The following PHF8 variants were observed in gnomAD, a reference collection of about 807,000 sequenced individuals.
The protein encoded by PHF8 is histone lysine demethylase PHF8.
In PHF8, 9 loss-of-function variants were observed where a neutral mutation model predicts 74.4. The observed-to-expected ratio is 0.12, with a 90% CI of 0.07 to 0.21. The LOEUF (loss-of-function observed/expected upper bound fraction) is 0.21. Among genes scored for constraint, PHF8 ranks in the 10% least tolerant of loss-of-function variants. PHF8 has a pLI of 1.00. For synonymous variants in PHF8, 311 were observed against 316.6 expected (o/e 0.98, Z 0.19); for missense variants, 478 against 816.6 (o/e 0.59, Z 5.05).
At position 54,012,670 on chromosome X, in the gene PHF8, C is replaced by T. The variant is rs782815139; in HGVS notation, c.784-1386G>A. On this transcript the variant is annotated intron_variant, in intron 7 of 21. Coordinates refer to ENST00000338154, the MANE Select transcript of PHF8 (RefSeq NM_015107.3). Reference sequence around the variant, plus strand: ...TAAAAAAATTGTCTGGACACAGTGGCTCACGTCTGTAATCCTAGCACTTTG... The same window carrying T: ...TAAAAAAATTGTCTGGACACAGTGGTTCACGTCTGTAATCCTAGCACTTTG... Among the ~76,000 whole-genome samples, 8 of 111,084 alleles carry T rather than the reference C, an allele frequency of 7.2e-5. No individual in the cohort carries two copies. The South Asian group carries it at 2.7e-3, about 37-fold the overall frequency.
chrX:54,024,705 C>G (rs1353754047), intron 2 of PHF8, among the ~76,000 whole-genome samples: 4 of 111,886 alleles, frequency 3.6e-5, no homozygotes, highest in Non-Finnish European at 7.5e-5. Context: ...GGTCTGTGAA[C>G]TATTTACTAC....
At chrX:53,963,590 T>A (rs1332635915) in intron 18 of PHF8, among the ~76,000 whole-genome samples, 2 of 111,579 alleles carry the variant, frequency 1.8e-5, no homozygotes, top group Non-Finnish European at 3.8e-5. Context: ...GAACAGACAC[T>A]TCTCAAAAGA....
At chrX:53,958,440 T>C (rs1168062110) in intron 19 of PHF8, among the ~76,000 whole-genome samples, 12 of 108,295 alleles carry the variant, frequency 1.1e-4, no homozygotes, top group Non-Finnish European at 2.3e-4. Flanking sequence ...GGAAAACATA[T>C]ACATGCATTT....
intron 16 of PHF8, among the ~76,000 whole-genome samples, chrX:53,986,175 T>A (rs781822965): frequency 8.0e-5 from 9 of 112,844 alleles, no homozygotes. Context: ...CTCAGGGAAG[T>A]TAAATAATTT....
chrX:53,999,753 T>C lies in PHF8; in HGVS notation c.1233+117A>G, dbSNP rs1323740463. ...GGAATCCTAGCCCACACCTCCACTC[T>C]ACACCCAGGAGCCCACAAGCTTCTC... is the stretch of plus-strand genomic sequence containing the variant. On this transcript the variant is annotated intron_variant, in intron 11 of 21. Coordinates refer to ENST00000338154, the MANE Select transcript of PHF8 (RefSeq NM_015107.3). 5.9e-6 allele frequency: 3 copies of C among 508,975 alleles called. No homozygotes were observed. The Admixed American group carries it at 8.5e-5, about 14-fold the overall frequency. 41.9% of individuals were successfully genotyped at this position (508,975 alleles called of 1,213,427 possible). A position where few individuals can be genotyped will look rare whatever the true frequency, so the allele number is the denominator to read the frequency against.
rs201774716 is a variant in PHF8 at position 54,022,354 on chromosome X, A to C, written c.198T>G (p.Arg66=). ...LHGPSIMKKR[R]GSSKGHDTHK... ...GTGTATCATGCCCCTTTGAAGATCC[A>C]CGGCGTTTTTTCACTAAGCCAGAAA... The change falls in exon 4 of 22, where the codon CGT becomes CGG. Residue 66 remains arginine (R), a synonymous_variant. Coordinates refer to ENST00000338154, the MANE Select transcript of PHF8 (RefSeq NM_015107.3). The C allele has an allele frequency of 8.4e-7, 1 of 1,193,360 alleles. No individual in the cohort carries two copies. The highest frequency in any genetic ancestry group is 3.0e-5 in the East Asian group (1 of 33,696).
intron 2 of PHF8, among the ~76,000 whole-genome samples, chrX:54,036,797 G>A (rs1168638207): frequency 9.3e-5 from 10 of 107,309 alleles, no homozygotes; most frequent in Non-Finnish European, 1.3e-4. Flanking sequence ...TCAGGAGTTC[G>A]AGACTAGCCT....
intron 2 of PHF8, among the ~76,000 whole-genome samples, chrX:54,027,266 C>T (rs1557111616): frequency 9.0e-6 from 1 of 111,004 alleles, no homozygotes; most frequent in African/African-American, 3.3e-5. Flanking sequence ...TTCTGTCCGC[C>T]CCTTCACAGC....
intron 18 of PHF8, among the ~76,000 whole-genome samples, chrX:53,972,749 C>T (rs2065314515): frequency 9.0e-6 from 1 of 111,378 alleles, no homozygotes; most frequent in Non-Finnish European, 1.9e-5. Flanking sequence ...GACAAGAATG[C>T]CCTCTCTCGC....
At chrX:53,962,307 G>A (rs782110061) in intron 19 of PHF8, among the ~76,000 whole-genome samples, 1 of 112,094 alleles carries the variant, frequency 8.9e-6, no homozygotes, top group East Asian at 2.8e-4. Flanking sequence ...AAAACTAACT[G>A]AAGGATGCAT....
intron 18 of PHF8, among the ~76,000 whole-genome samples, chrX:53,966,311 C>T (rs1418258234): frequency 8.9e-6 from 1 of 111,762 alleles, no homozygotes; most frequent in Non-Finnish European, 1.9e-5. Flanking sequence ...GCTGCCATCT[C>T]GGCTCACTGC....
chrX:54,004,461 T>C (rs907423546), intron 8 of PHF8, among the ~76,000 whole-genome samples: 1 of 111,280 alleles, frequency 9.0e-6, no homozygotes, highest in Non-Finnish European at 1.9e-5. Context: ...TATAAGACAA[T>C]ATATGGTTAG....
chrX:53,993,828 G>A lies in PHF8; in HGVS notation c.1399C>T (p.Pro467Ser), dbSNP rs1557102080. ...GTGGAATGGGCTGGCCTGGTTAGGG[G>A]AATGGAGCCGGCTGGGAAGATCCTC... ...LQRIFPAGSI[P>S]LTRPAHSTSV... is the part of the protein sequence containing the mutation. Residue 467 changes from proline to serine, a missense_variant, in exon 13 of 22, where the codon CCC becomes TCC. Coordinates refer to ENST00000338154, the MANE Select transcript of PHF8 (RefSeq NM_015107.3). 4 of 1,206,804 alleles carry A rather than the reference G, an allele frequency of 3.3e-6. No homozygotes were observed. The highest frequency in any genetic ancestry group is 4.5e-6 in the Non-Finnish European group (4 of 890,793).
At chrX:54,014,898 CAT>C (rs1281426428) in intron 6 of PHF8, among the ~76,000 whole-genome samples, 1 of 112,083 alleles carries the variant, frequency 8.9e-6, no homozygotes, top group Non-Finnish European at 1.9e-5. Flanking sequence ...ATCCCCATCT[CAT>C]AGTGTCTTCT....
At chrX:54,009,844 G>GGAAGAAAAAAAAAAAAAA (rs2065952773) in intron 8 of PHF8, among the ~76,000 whole-genome samples, 1 of 9,383 alleles carries the variant, frequency 1.1e-4, no homozygotes, top group Non-Finnish European at 4.5e-4. Flanking sequence ...CTCTGTCTCA[G>GGAAGAAAAAAAAAAAAAA]AAAAAAAAAA....
chrX:53,977,812 A>C (rs1557096634), intron 18 of PHF8, among the ~76,000 whole-genome samples: 1 of 106,128 alleles, frequency 9.4e-6, no homozygotes, highest in Non-Finnish European at 1.9e-5. Context: ...ACGCCCGGCT[A>C]ATTTTTTGTA....
Position 53,936,934 on chromosome X carries a change from A to G in PHF8, c.*2224T>C, listed in dbSNP as rs1242825143. Reference sequence around the variant, plus strand: ...TTGTTTGCTTTTTTTGTAAAAATATATTAAAGGTGAATAGAAATCCTCTCT... The same window carrying G: ...TTGTTTGCTTTTTTTGTAAAAATATGTTAAAGGTGAATAGAAATCCTCTCT... On this transcript the variant is annotated 3_prime_UTR_variant, in exon 22 of 22. Coordinates refer to ENST00000338154, the MANE Select transcript of PHF8 (RefSeq NM_015107.3). 3 of 110,840 alleles carry G rather than the reference A, an allele frequency of 2.7e-5. No homozygotes were observed. Among genetic ancestry groups the G allele is most frequent in the Non-Finnish European group, 5.7e-5 (3 of 52,863 alleles). 9.1% of individuals were successfully genotyped at this position (110,840 alleles called of 1,213,427 possible). A position where few individuals can be genotyped will look rare whatever the true frequency, so the allele number is the denominator to read the frequency against.
upstream of PHF8, chrX:54,044,891 T>G (rs1016841317): frequency 1.0e-5 from 12 of 1,155,191 alleles, no homozygotes; most frequent in Middle Eastern, 2.4e-4. Context: ...TCCTGTTCAT[T>G]GAGCACCTTC....
At chrX:54,005,465 G>GA (rs1322627890) in intron 8 of PHF8, among the ~76,000 whole-genome samples, 8 of 98,501 alleles carry the variant, frequency 8.1e-5, no homozygotes, top group South Asian at 8.8e-4. Context: ...AGAAAGAAAA[G>GA]AAAAAAAAAG....
Sources: allele counts gnomAD v4.1 joint callset (sites outside exome capture counted in the v4.1 genomes callset), GRCh38; gene constraint gnomAD v4.1.1; transcripts MANE v1.5; gene names NCBI Gene and HGNC (gene_info 2026-07-23, HGNC 2026-07-21).